The following ADGRL4 variants were observed in gnomAD, a reference collection of about 807,000 sequenced individuals.
ADGRL4 encodes EGF, latrophilin and seven transmembrane domain containing 1.
Under a neutral mutation model 74.8 loss-of-function variants are expected in ADGRL4, and 90 were observed. The ratio of observed to expected loss-of-function variants is 1.20; its 90% CI spans 1.02 to 1.43. The LOEUF (loss-of-function observed/expected upper bound fraction) is 1.43. Among genes scored for constraint, ADGRL4 ranks in the 40% most tolerant of loss-of-function variants. The pLI is 0.00. For missense variants in ADGRL4, 881 were observed against 814.3 expected (o/e 1.08, Z -1.00); for synonymous variants, 311 against 279.2 (o/e 1.11, Z -1.14).
chr1:78,950,229 C>T (rs1649693011), intron 2 of ADGRL4, among the ~76,000 whole-genome samples: 1 of 151,802 alleles, frequency 6.6e-6, no homozygotes. Context: ...AAAAGGGGTC[C>T]CCACAATCCA....
chr1:78,901,596 A>C (rs1648520458), intron 12 of ADGRL4, among the ~76,000 whole-genome samples: 1 of 152,170 alleles, frequency 6.6e-6, no homozygotes, highest in Non-Finnish European at 1.5e-5. Context: ...CCTGTTAAAC[A>C]CTTTTTGTTA....
chr1:78,996,505 T>C (rs1650717866), intron 2 of ADGRL4, among the ~76,000 whole-genome samples: 1 of 152,242 alleles, frequency 6.6e-6, no homozygotes, highest in Non-Finnish European at 1.5e-5. Flanking sequence ...GCACATTCCA[T>C]AGAAGATAAG....
At chr1:78,971,489 C>T (rs1354697095) in intron 2 of ADGRL4, among the ~76,000 whole-genome samples, 1 of 152,056 alleles carries the variant, frequency 6.6e-6, no homozygotes, top group Non-Finnish European at 1.5e-5. Flanking sequence ...TGGCCTCTCT[C>T]CCCTGTTCTG....
intron 2 of ADGRL4, among the ~76,000 whole-genome samples, chr1:78,970,444 G>A (rs908773474): frequency 7.2e-5 from 11 of 152,202 alleles, no homozygotes; most frequent in African/African-American, 2.7e-4. Flanking sequence ...TAGAGACATA[G>A]GTGAGAGTGG....
At chr1:78,923,953 AT>A (rs1649057066) in intron 8 of ADGRL4, among the ~76,000 whole-genome samples, 1 of 151,876 alleles carries the variant, frequency 6.6e-6, no homozygotes, top group Non-Finnish European at 1.5e-5. Flanking sequence ...AAGACCATAC[AT>A]TTTCAGACTG....
chr1:78,893,240 A>G, intron 12 of ADGRL4, 51 bp from the exon 13 acceptor site: 1 of 1,089,282 alleles, frequency 9.2e-7, no homozygotes, highest in Non-Finnish European at 1.4e-6. Context: ...CTTAAATTGG[A>G]TACATATAAA....
At chr1:78,925,433 T>C (rs1649091344) in intron 8 of ADGRL4, among the ~76,000 whole-genome samples, 1 of 152,100 alleles carries the variant, frequency 6.6e-6, no homozygotes, top group East Asian at 1.9e-4. Flanking sequence ...GAATGGTTAA[T>C]ACTACTATAA....
At chr1:78,933,361 A>G (rs12030790) in intron 7 of ADGRL4, among the ~76,000 whole-genome samples, 91,323 of 151,026 alleles carry the variant, frequency 0.6, 28,415 homozygotes, top group East Asian at 0.7. Flanking sequence ...CAGAAAAGGC[A>G]TTTGACAAAA....
chr1:78,891,349 T>C (rs1648268727), intron 14 of ADGRL4, 133 bp from the exon 15 acceptor site: 19 of 1,232,422 alleles, frequency 1.5e-5, no homozygotes, highest in East Asian at 2.5e-5. Context: ...ATTTAAGTTA[T>C]ATTTATATCC....
At chr1:79,005,316 T>C in intron 1 of ADGRL4, 97 bp from the exon 2 acceptor site, 1 of 981,138 alleles carries the variant, frequency 1.0e-6, no homozygotes, top group East Asian at 3.0e-5. Flanking sequence ...TATCCTCTCT[T>C]TCTATTTAGA....
intron 2 of ADGRL4, among the ~76,000 whole-genome samples, chr1:78,966,989 T>C (rs985415561): frequency 1.3e-5 from 2 of 152,086 alleles, no homozygotes; most frequent in Non-Finnish European, 2.9e-5. Context: ...CTGGGTTTTC[T>C]CCTGCCTCTG....
intron 7 of ADGRL4, among the ~76,000 whole-genome samples, chr1:78,931,103 G>A (rs529982141): frequency 2.6e-5 from 4 of 151,228 alleles, no homozygotes; most frequent in African/African-American, 7.4e-5. Context: ...GATACTCCAC[G>A]AGAAGATCAA....
At chr1:78,968,546 AC>A (rs1650104410) in intron 2 of ADGRL4, among the ~76,000 whole-genome samples, 3 of 150,528 alleles carry the variant, frequency 2.0e-5, no homozygotes, top group Admixed American at 6.6e-5. Context: ...CAGTTCAATT[AC>A]CCTCTAGTGG....
intron 12 of ADGRL4, among the ~76,000 whole-genome samples, chr1:78,911,536 GAC>G (rs977910302): frequency 7.3e-5 from 11 of 151,704 alleles, no homozygotes; most frequent in South Asian, 4.2e-4. Flanking sequence ...TATAAAAACA[GAC>G]ACACGTATAA....
chr1:78,938,783 T>C (rs2100689082), intron 4 of ADGRL4, among the ~76,000 whole-genome samples: 1 of 152,198 alleles, frequency 6.6e-6, no homozygotes, highest in Non-Finnish European at 1.5e-5. Context: ...ACGACAATTA[T>C]TTTATAAATC....
At chr1:78,976,653 TA>T (rs559309499) in intron 2 of ADGRL4, among the ~76,000 whole-genome samples, 368 of 151,722 alleles carry the variant, frequency 2.4e-3, no homozygotes, top group African/African-American at 8.2e-3. Context: ...TGAATCTTTA[TA>T]AAAAAGTTTG....
chr1:78,924,523 C>G (rs1466941917), intron 8 of ADGRL4, among the ~76,000 whole-genome samples: 1 of 151,870 alleles, frequency 6.6e-6, no homozygotes, highest in East Asian at 1.9e-4. Flanking sequence ...GATAAATGAC[C>G]CAGGGGTAGA....
At chr1:78,992,067 C>T (rs76050480) in intron 2 of ADGRL4, among the ~76,000 whole-genome samples, 5,564 of 152,086 alleles carry the variant, frequency 0.037, 145 homozygotes, top group Middle Eastern at 0.054. Context: ...GGTTTTCTCC[C>T]TGATAGCATT....
intron 2 of ADGRL4, among the ~76,000 whole-genome samples, chr1:78,992,165 C>T (rs1329869742): frequency 1.3e-5 from 2 of 151,992 alleles, no homozygotes; most frequent in African/African-American, 2.4e-5. Flanking sequence ...TCATTATCTC[C>T]TTTCATGGCA....
Sources: gnomAD v4.1 joint callset for allele counts (sites outside exome capture counted in the v4.1 genomes callset) on GRCh38, gnomAD v4.1.1 for gene constraint, MANE v1.5 for transcripts, NCBI Gene and HGNC (gene_info 2026-07-23, HGNC 2026-07-21) for gene names.